TBC1D16: variants seen among roughly 807,000 people sequenced by gnomAD.
TBC1D16 encodes TBC1 domain family member 16.
In TBC1D16, 58 loss-of-function variants were observed where a neutral mutation model predicts 74.7. The ratio of observed to expected loss-of-function variants is 0.78; its 90% CI spans 0.63 to 0.97. The LOEUF (loss-of-function observed/expected upper bound fraction) is 0.97. Ranked by LOEUF, TBC1D16 falls within the 50% of genes least tolerant of loss-of-function variation. The probability of loss-of-function intolerance (pLI) is 0.00; values close to 1 mark genes in which losing one functional copy is unlikely to be tolerated. For synonymous variants in TBC1D16, 493 were observed against 474.7 expected (o/e 1.04, Z -0.50); for missense variants, 1,014 against 1,079.5 (o/e 0.94, Z 0.85).
At chr17:79,969,799 A>G (rs1360107793) in intron 3 of TBC1D16, among the ~76,000 whole-genome samples, 4 of 151,112 alleles carry the variant, frequency 2.6e-5, no homozygotes, top group African/African-American at 7.3e-5. Flanking sequence ...AAAATTAGCC[A>G]GGTGTGGTGG....
At chr17:80,013,652 G>T (rs2035983202) in intron 1 of TBC1D16, 43 bp from the exon 2 acceptor site, 1 of 1,267,450 alleles carries the variant, frequency 7.9e-7, no homozygotes. Context: ...TTGTGGACTT[G>T]CGTTCTGTCT....
chr17:80,025,808 C>T (rs2036564959), intron 1 of TBC1D16: 1 of 149,834 alleles, frequency 6.7e-6, no homozygotes, highest in South Asian at 2.1e-4. Flanking sequence ...CTTCTTCACA[C>T]AGCAGGAACA....
At chr17:79,955,210 A>C (rs904105684) in intron 3 of TBC1D16, among the ~76,000 whole-genome samples, 8 of 152,054 alleles carry the variant, frequency 5.3e-5, no homozygotes, top group African/African-American at 1.9e-4. Context: ...CCATAAGCTC[A>C]AACTAGAGCG....
In TBC1D16 at chr17:80,031,802, G is replaced by T. The variant is rs561605314; in HGVS notation, c.-63+3993C>A. On this transcript the variant is annotated intron_variant, in intron 1 of 11. Coordinates refer to ENST00000310924, the MANE Select transcript of TBC1D16 (RefSeq NM_019020.4). ...TAAGGGAAGATGCAGACCCAGCCAG[G>T]AAATCAAAAACTGCCCTGAGTCTGG... 3.0e-4 allele frequency among the ~76,000 whole-genome samples: 45 copies of T among 152,270 alleles called. No individual in the cohort carries two copies. The South Asian group carries it at 8.5e-3, about 29-fold the overall frequency.
Position 79,986,823 on chromosome 17 carries a change from TG to T in TBC1D16, c.779+23336del, listed in dbSNP as rs1431093751. On this transcript the variant is annotated intron_variant, in intron 3 of 11. Coordinates refer to ENST00000310924, the MANE Select transcript of TBC1D16 (RefSeq NM_019020.4). This position sits in a 1 kb window ranked among gnomAD's most constrained non-coding sequence, Gnocchi z 6.0. Reference sequence around the variant, plus strand: ...ACCTCCGATCAGGTCCACGGGAAGATGGGGGTGAACGAGAAGCCTGAGGCCG... The same window carrying T: ...ACCTCCGATCAGGTCCACGGGAAGATGGGGTGAACGAGAAGCCTGAGGCCG... 6.6e-6 allele frequency among the ~76,000 whole-genome samples: 1 copy of T among 151,912 alleles called. No homozygotes were observed. The highest frequency in any genetic ancestry group is 1.5e-5 in the Non-Finnish European group (1 of 67,956).
intron 3 of TBC1D16, among the ~76,000 whole-genome samples, chr17:79,991,493 G>T (rs2035055943): frequency 6.6e-6 from 1 of 152,184 alleles, no homozygotes; most frequent in Non-Finnish European, 1.5e-5. Context: ...TGCAGGAGTG[G>T]CGTCTGGCTG....
At chr17:79,957,514 A>G (rs2033390048) in intron 3 of TBC1D16, among the ~76,000 whole-genome samples, 1 of 152,214 alleles carries the variant, frequency 6.6e-6, no homozygotes, top group Non-Finnish European at 1.5e-5. Flanking sequence ...CCATGGAGAC[A>G]GTGACAAGAC....
intron 3 of TBC1D16, among the ~76,000 whole-genome samples, chr17:80,005,137 T>A (rs1444641651): frequency 6.6e-6 from 1 of 152,222 alleles, no homozygotes; most frequent in Non-Finnish European, 1.5e-5. Context: ...TTGAGTGCAC[T>A]GGTGCGATCA....
In TBC1D16 at chr17:79,971,252, G is replaced by A. The variant is rs1237622543; in HGVS notation, c.780-18434C>T. ...TGGCCAGGCTGGTCTCAAACTCCTG[G>A]CCTCAGGTGATCCACCCACTTCGGC... On this transcript the variant is annotated intron_variant, in intron 3 of 11. Coordinates refer to ENST00000310924, the MANE Select transcript of TBC1D16 (RefSeq NM_019020.4). This position sits in a 1 kb window ranked among gnomAD's most constrained non-coding sequence, Gnocchi z 4.6. 6.6e-6 allele frequency among the ~76,000 whole-genome samples: 1 copy of A among 152,038 alleles called. No homozygotes were observed. The highest frequency in any genetic ancestry group is 1.5e-5 in the Non-Finnish European group (1 of 67,998).
intron 1 of TBC1D16, among the ~76,000 whole-genome samples, chr17:80,029,449 GCCACT>G (rs1235336689): frequency 0.015 from 2,274 of 152,270 alleles, 53 homozygotes; most frequent in African/African-American, 0.052. Flanking sequence ...GAGCCACTTG[GCCACT>G]GAAACTTGGC....
Position 80,026,466 on chromosome 17 carries a change from A to G in TBC1D16, c.-63+9329T>C, listed in dbSNP as rs1023317455. Among the ~76,000 whole-genome samples the G allele has an allele frequency of 7.4e-5, 11 of 149,564 alleles. 2 individuals are homozygous for G. The highest frequency in any genetic ancestry group is 2.8e-4 in the African/African-American group (11 of 39,048). On this transcript the variant is annotated intron_variant, in intron 1 of 11. Coordinates refer to ENST00000310924, the MANE Select transcript of TBC1D16 (RefSeq NM_019020.4). ...CATCTTCTGGGGGAGGGGGGAATCT[A>G]TTAGTTTAAAATAAAAAGAGGCTTG...
chr17:80,030,570 G>A (rs1042727765), intron 1 of TBC1D16, among the ~76,000 whole-genome samples: 2 of 152,258 alleles, frequency 1.3e-5, no homozygotes, highest in Non-Finnish European at 2.9e-5. Context: ...GTAGCCTGGA[G>A]CCACTAGGAG....
chr17:80,024,368 C>CAT (rs1568647998), intron 1 of TBC1D16, among the ~76,000 whole-genome samples: 6 of 148,962 alleles, frequency 4.0e-5, no homozygotes, highest in Non-Finnish European at 7.4e-5. Flanking sequence ...CAACACACAC[C>CAT]ACAGACACAC....
intron 1 of TBC1D16, among the ~76,000 whole-genome samples, chr17:80,030,338 C>A (rs1375209079): frequency 6.6e-6 from 1 of 152,080 alleles, no homozygotes; most frequent in Non-Finnish European, 1.5e-5. Flanking sequence ...AGGACCGAGG[C>A]CTAGAACCCA....
chr17:79,960,812 A>C (rs2033578453), intron 3 of TBC1D16, among the ~76,000 whole-genome samples: 1 of 134,360 alleles, frequency 7.4e-6, no homozygotes, highest in Non-Finnish European at 1.6e-5. Context: ...AAAAAAAACG[A>C]AGGAATGAAA....
intron 1 of TBC1D16, among the ~76,000 whole-genome samples, chr17:80,015,076 C>T (rs140743813): frequency 2.9e-4 from 44 of 152,310 alleles, no homozygotes; most frequent in Admixed American, 2.8e-3. Context: ...GACTTCTATA[C>T]ACACATGGAG....
chr17:80,010,870 G>C lies in TBC1D16; in HGVS notation c.182-113C>G, dbSNP rs1161902157. ...GCCACTGCCCTTTAGTAAAGTGCCA[G>C]TCCGGCCTCAGATACAGCCTGGCCC... On this transcript the variant is annotated intron_variant, in intron 2 of 11. Coordinates refer to ENST00000310924, the MANE Select transcript of TBC1D16 (RefSeq NM_019020.4). This position sits in a 1 kb window ranked among gnomAD's most constrained non-coding sequence, Gnocchi z 8.8. 3 of 710,716 alleles carry C rather than the reference G, an allele frequency of 4.2e-6. No individual in the cohort carries two copies. Among genetic ancestry groups the C allele is most frequent in the Non-Finnish European group, 6.4e-6 (3 of 467,030 alleles). The allele number at this position is 710,716 out of a possible 1,614,324, so 44.0% of individuals were successfully genotyped here.
rs570877292 is a variant in TBC1D16 at position 79,990,867 on chromosome 17, C to T, written c.779+19293G>A. Reference sequence around the variant, plus strand: ...TTGGCCCCTTATGTCTGGCTCATTTCACTCGGCGTAACGTCCTCAACTCAT... The same window carrying T: ...TTGGCCCCTTATGTCTGGCTCATTTTACTCGGCGTAACGTCCTCAACTCAT... On this transcript the variant is annotated intron_variant, in intron 3 of 11. Coordinates refer to ENST00000310924, the MANE Select transcript of TBC1D16 (RefSeq NM_019020.4). This position sits in a 1 kb window ranked among gnomAD's most constrained non-coding sequence, Gnocchi z 4.8. Among the ~76,000 whole-genome samples, 24 of 152,332 alleles carry T rather than the reference C, an allele frequency of 1.6e-4. No homozygotes were observed. In the South Asian group the frequency reaches 4.8e-3, roughly 30 times the overall value.
Position 79,941,564 on chromosome 17 carries a change from C to A in TBC1D16, c.2056-457G>T, listed in dbSNP as rs1354784317. Reference sequence around the variant, plus strand: ...CCAGAGGACACCACCGACCTCGGGACCCCCGCTCAGTGCCCTGAGGACCAC... The same window carrying A: ...CCAGAGGACACCACCGACCTCGGGAACCCCGCTCAGTGCCCTGAGGACCAC... On this transcript the variant is annotated intron_variant, in intron 11 of 11. Coordinates refer to ENST00000310924, the MANE Select transcript of TBC1D16 (RefSeq NM_019020.4). The surrounding 1 kb of genome is among the most constrained non-coding windows in gnomAD (Gnocchi z 4.3). 1.3e-5 allele frequency among the ~76,000 whole-genome samples: 2 copies of A among 152,080 alleles called. No homozygotes were observed. The highest frequency in any genetic ancestry group is 2.9e-5 in the Non-Finnish European group (2 of 67,996).
Sources: allele counts gnomAD v4.1 joint callset (sites outside exome capture counted in the v4.1 genomes callset), GRCh38; gene constraint gnomAD v4.1.1; non-coding constraint Gnocchi (gnomAD v3.1); transcripts MANE v1.5; gene names NCBI Gene and HGNC (gene_info 2026-07-23, HGNC 2026-07-21).